Variants in NRG4 observed in about 807,000 individuals in gnomAD.
NRG4 encodes neuregulin 4, also known as pro-neuregulin-4, membrane-bound isoform.
A neutral mutation model predicts 15.0 loss-of-function variants in NRG4; 10 were observed. That is an observed-to-expected ratio of 0.67 (90% CI 0.41 to 1.13). NRG4 has a LOEUF of 1.13. Among genes scored for constraint, NRG4 ranks in the 50% most tolerant of loss-of-function variants. The pLI is 0.00. For missense variants in NRG4, 139 were observed against 140.2 expected (o/e 0.99, Z 0.04); for synonymous variants, 41 against 50.1 (o/e 0.82, Z 0.77).
intron 3 of NRG4, among the ~76,000 whole-genome samples, chr15:75,996,415 T>C (rs1386501034): frequency 6.6e-6 from 1 of 152,210 alleles, no homozygotes; most frequent in African/African-American, 2.4e-5. Flanking sequence ...CTACAAGAGT[T>C]TGAAGCTCAG....
intron 3 of NRG4, among the ~76,000 whole-genome samples, chr15:75,979,931 C>G (rs1255342362): frequency 2.0e-5 from 3 of 152,068 alleles, no homozygotes; most frequent in Non-Finnish European, 4.4e-5. Flanking sequence ...GCTTTTGTAT[C>G]CTACAGCTGC....
At chr15:76,018,019 T>G (rs2035037596) in intron 5 of NRG4, among the ~76,000 whole-genome samples, 1 of 152,216 alleles carries the variant, frequency 6.6e-6, no homozygotes. Flanking sequence ...GAGGCTCGTT[T>G]GTTTCTTTTC....
chr15:76,007,424 GCA>G (rs1315317551), intron 3 of NRG4, among the ~76,000 whole-genome samples: 2 of 148,726 alleles, frequency 1.3e-5, no homozygotes, highest in Admixed American at 6.7e-5. Flanking sequence ...ATTATTAAAC[GCA>G]CTTTTTTTTT....
chr15:75,948,990 G>T (rs1274420401), intron 5 of NRG4, among the ~76,000 whole-genome samples: 1 of 152,190 alleles, frequency 6.6e-6, no homozygotes, highest in Non-Finnish European at 1.5e-5. Context: ...GCTCAAGGTT[G>T]CAGTGAGCTA....
chr15:75,982,698 A>T (rs182000002), intron 3 of NRG4, among the ~76,000 whole-genome samples: 2 of 152,342 alleles, frequency 1.3e-5, no homozygotes, highest in Admixed American at 1.3e-4. Flanking sequence ...TAGTGAGTAC[A>T]GCAGCTATGG....
chr15:75,975,509 G>C (rs1203247465), intron 3 of NRG4, among the ~76,000 whole-genome samples: 2 of 152,126 alleles, frequency 1.3e-5, no homozygotes, highest in East Asian at 3.8e-4. Flanking sequence ...TCCATGTTTA[G>C]TGCTTCCTTC....
chr15:75,939,033 CTT>C (rs1382035528), downstream of NRG4: 1 of 152,106 alleles, frequency 6.6e-6, no homozygotes, highest in Non-Finnish European at 1.5e-5. Context: ...AACAACCTGA[CTT>C]TGCAGCTTGA....
upstream of NRG4, among the ~76,000 whole-genome samples, chr15:76,016,652 T>C (rs1258504892): frequency 1.3e-5 from 2 of 152,188 alleles, no homozygotes; most frequent in Admixed American, 1.3e-4. Flanking sequence ...CAGTTTTGAG[T>C]GAGTTTCTTA....
chr15:75,966,414 T>C lies in NRG4; in HGVS notation c.105-4440A>G, dbSNP rs2469036. Among the ~76,000 whole-genome samples the C allele has an allele frequency of 1.9e-3, 282 of 152,298 alleles. 1 individual carries two copies. The highest frequency in any genetic ancestry group is 6.5e-3 in the African/African-American group (270 of 41,576). ...AATAACATCACATGCTTTAACTACATAGGGCTATTGTCAGAATCAAGTAAG... is the reference window on the plus strand; with the variant it reads ...AATAACATCACATGCTTTAACTACACAGGGCTATTGTCAGAATCAAGTAAG... On this transcript the variant is annotated intron_variant, in intron 3 of 5. Transcript: ENST00000394907.
intron 3 of NRG4, among the ~76,000 whole-genome samples, chr15:75,994,193 AC>A (rs1319583165): frequency 1.3e-5 from 2 of 152,172 alleles, no homozygotes; most frequent in Non-Finnish European, 2.9e-5. Context: ...TATCTCTCCT[AC>A]TGCTGCAACA....
intron 5 of NRG4, among the ~76,000 whole-genome samples, chr15:76,030,535 T>C (rs138863966): frequency 2.0e-3 from 312 of 152,278 alleles, no homozygotes; most frequent in Non-Finnish European, 3.3e-3. Context: ...GATAGCAATA[T>C]GCAGAAGGAT....
chr15:75,966,259 C>G (rs565299983), intron 3 of NRG4, among the ~76,000 whole-genome samples: 1 of 152,172 alleles, frequency 6.6e-6, no homozygotes, highest in Non-Finnish European at 1.5e-5. Context: ...GTCATGTAAA[C>G]AAACAGAGCA....
chr15:75,946,283 C>T (rs1283232695), intron 5 of NRG4, among the ~76,000 whole-genome samples: 1 of 152,212 alleles, frequency 6.6e-6, no homozygotes, highest in Non-Finnish European at 1.5e-5. Flanking sequence ...AGCTAAACCA[C>T]CAATGAAGGG....
intron 3 of NRG4, among the ~76,000 whole-genome samples, chr15:76,002,152 A>G (rs1304246579): frequency 1.3e-5 from 2 of 152,222 alleles, no homozygotes; most frequent in African/African-American, 4.8e-5. Context: ...TGGACTTATC[A>G]CTAAACATAT....
At chr15:75,991,931 A>G (rs1348131065) in intron 3 of NRG4, among the ~76,000 whole-genome samples, 3 of 151,820 alleles carry the variant, frequency 2.0e-5, no homozygotes, top group Admixed American at 6.6e-5. Context: ...TCTTTCTTCC[A>G]TTTATTTTCT....
At chr15:76,023,129 TCCACACAC>T (rs1314700772) in intron 5 of NRG4, among the ~76,000 whole-genome samples, 4 of 104,582 alleles carry the variant, frequency 3.8e-5, no homozygotes. Flanking sequence ...GCACCCATAC[TCCACACAC>T]ACACACACAC....
At chr15:75,993,529 G>A (rs955335898) in intron 3 of NRG4, among the ~76,000 whole-genome samples, 1 of 150,700 alleles carries the variant, frequency 6.6e-6, no homozygotes, top group Non-Finnish European at 1.5e-5. Context: ...GTGAAACCTC[G>A]ACTCTACTAA....
At chr15:76,056,126 A>G (rs892179741) in intron 2 of NRG4, among the ~76,000 whole-genome samples, 3 of 152,164 alleles carry the variant, frequency 2.0e-5, no homozygotes, top group Non-Finnish European at 4.4e-5. Context: ...TATTTGCTAA[A>G]GTCATCTCAA....
At chr15:75,957,141 T>A (rs993780336) in intron 4 of NRG4, among the ~76,000 whole-genome samples, 2 of 152,174 alleles carry the variant, frequency 1.3e-5, no homozygotes, top group Non-Finnish European at 2.9e-5. Flanking sequence ...TTAATTCCTT[T>A]AAAAAAATAC....
Sources: gnomAD v4.1 joint callset for allele counts (sites outside exome capture counted in the v4.1 genomes callset) on GRCh38, gnomAD v4.1.1 for gene constraint, MANE v1.5 for transcripts, NCBI Gene and HGNC (gene_info 2026-07-23, HGNC 2026-07-21) for gene names.